The following CCDC126 variants were observed in gnomAD, a reference collection of about 807,000 sequenced individuals.
CCDC126 encodes coiled-coil domain containing 126, also known as coiled-coil domain-containing protein 126.
In CCDC126, 5 loss-of-function variants were observed where a neutral mutation model predicts 11.7. That is an observed-to-expected ratio of 0.43 (90% CI 0.22 to 0.90). The LOEUF is 0.90. Ranked by LOEUF, CCDC126 falls within the 40% of genes least tolerant of loss-of-function variation. The pLI is 0.27. For synonymous variants in CCDC126, 60 were observed against 61.9 expected (o/e 0.97, Z 0.14); for missense variants, 150 against 163.1 (o/e 0.92, Z 0.44).
chr7:23,616,096 T>C (rs1432561927), intron 3 of CCDC126, among the ~76,000 whole-genome samples: 1 of 152,254 alleles, frequency 6.6e-6, no homozygotes, highest in East Asian at 1.9e-4. Context: ...TACTTTCCTA[T>C]AAACTTTTTC....
chr7:23,605,237 A>G (rs1455638328), intron 2 of CCDC126, among the ~76,000 whole-genome samples: 1 of 152,140 alleles, frequency 6.6e-6, no homozygotes, highest in Non-Finnish European at 1.5e-5. Context: ...GGTGAGCAAG[A>G]GGGAAGTGGT....
intron 3 of CCDC126, among the ~76,000 whole-genome samples, chr7:23,627,661 C>T (rs1027931464): frequency 3.3e-5 from 5 of 151,946 alleles, no homozygotes; most frequent in Admixed American, 6.5e-5. Context: ...TACAGTGGCA[C>T]GATCATGGCT....
chr7:23,644,365 A>G lies in CCDC126; in HGVS notation c.*1250A>G, dbSNP rs1783422520. 2 of 152,490 alleles carry G rather than the reference A, an allele frequency of 1.3e-5. No individual in the cohort carries two copies. Among genetic ancestry groups the G allele is most frequent in the African/African-American group, 2.4e-5 (1 of 41,434 alleles). 9.4% of individuals were successfully genotyped at this position (152,490 alleles called of 1,614,324 possible). ...ATTGCCACATGGTGCCCTATATTTC[A>G]TAGTATTTATTCTCTATAGTAACTG... is the stretch of plus-strand genomic sequence containing the variant. On this transcript the variant is annotated 3_prime_UTR_variant, in exon 4 of 4. Transcript: ENST00000307471.
chr7:23,632,990 C>T (rs1191889562), intron 3 of CCDC126, among the ~76,000 whole-genome samples: 5 of 152,132 alleles, frequency 3.3e-5, no homozygotes, highest in African/African-American at 1.2e-4. Context: ...ATCTAAACTG[C>T]CTTGCAGTCC....
chr7:23,605,990 T>TTG (rs550719957), intron 2 of CCDC126, among the ~76,000 whole-genome samples: 84 of 150,692 alleles, frequency 5.6e-4, no homozygotes, highest in Admixed American at 1.7e-3. Flanking sequence ...CTGTTTTTTT[T>TTG]TGTGTGTGTG....
At chr7:23,638,728 A>AAAAAAAAAAAAAAAAAAAAAAAAAAAAAT (rs1783292725) in intron 3 of CCDC126, among the ~76,000 whole-genome samples, 1 of 32,554 alleles carries the variant, frequency 3.1e-5, no homozygotes, top group Non-Finnish European at 5.1e-5. Context: ...AAAAAAAATT[A>AAAAAAAAAAAAAAAAAAAAAAAAAAAAAT]AAAAAAAAAA....
Position 23,606,432 on chromosome 7 carries a change from G to A in CCDC126, c.-145-4739G>A, listed in dbSNP as rs111521559. ...TTTTTTTTATTGGCAAAATGTCTTC[G>A]AATTATGAGTTTTGTTTTTGGAAGA... is the stretch of plus-strand genomic sequence containing the variant. On this transcript the variant is annotated intron_variant, in intron 2 of 3. Transcript: ENST00000307471. Among the ~76,000 whole-genome samples the A allele has an allele frequency of 6.8e-4, 104 of 152,104 alleles. 2 individuals carry two copies. The highest frequency in any genetic ancestry group is 3.4e-3 in the Middle Eastern group (1 of 294).
rs1447051636 is a variant in CCDC126 at position 23,622,724 on chromosome 7, A to G, written c.238+11171A>G. 3 of 525,112 alleles carry G rather than the reference A, an allele frequency of 5.7e-6. No homozygotes were observed. In the African/African-American group the frequency reaches 5.8e-5, roughly 10 times the overall value. 32.5% of individuals were successfully genotyped at this position (525,112 alleles called of 1,614,324 possible). On this transcript the variant is annotated intron_variant, in intron 3 of 3. Transcript: ENST00000307471. The stretch of plus-strand genomic sequence containing the variant: ...TCAGCATAAATGTTACATTGTGGCC[A>G]CAGTTGACCCTTAAGATTCCTGGAG...
chr7:23,624,039 G>A (rs771085358), intron 3 of CCDC126, among the ~76,000 whole-genome samples: 1 of 152,142 alleles, frequency 6.6e-6, no homozygotes, highest in Non-Finnish European at 1.5e-5. Flanking sequence ...GTAGGATTCT[G>A]TGGAGAAAAC....
chr7:23,637,393 T>C (rs867680265), intron 3 of CCDC126, among the ~76,000 whole-genome samples: 219 of 9,326 alleles, frequency 0.023, no homozygotes, highest in Admixed American at 0.043. Context: ...AGTGAGGAGC[T>C]CCTCTGCCCG....
intron 2 of CCDC126, among the ~76,000 whole-genome samples, chr7:23,600,466 G>A (rs958479124): frequency 3.4e-5 from 5 of 146,008 alleles, no homozygotes; most frequent in African/African-American, 7.7e-5. Context: ...ATTACATTCC[G>A]GGGTCAAGTC....
At chr7:23,640,919 C>G (rs1367527727) in intron 3 of CCDC126, among the ~76,000 whole-genome samples, 5 of 150,822 alleles carry the variant, frequency 3.3e-5, no homozygotes, top group Non-Finnish European at 7.4e-5. Flanking sequence ...TTGTTTCTAC[C>G]TTTTGACTGT....
intron 2 of CCDC126, among the ~76,000 whole-genome samples, chr7:23,602,521 C>G (rs987771760): frequency 1.3e-5 from 2 of 152,114 alleles, no homozygotes; most frequent in African/African-American, 4.8e-5. Flanking sequence ...TGTGGGTTTC[C>G]TTCTGTTCAG....
chr7:23,610,599 CT>C (rs1562491028), intron 2 of CCDC126, among the ~76,000 whole-genome samples: 1 of 152,122 alleles, frequency 6.6e-6, no homozygotes, highest in East Asian at 1.9e-4. Context: ...GAAATTATAA[CT>C]TATTTTTTAT....
chr7:23,599,258 A>G (rs991558066), intron 2 of CCDC126, among the ~76,000 whole-genome samples: 3 of 151,994 alleles, frequency 2.0e-5, no homozygotes, highest in African/African-American at 4.8e-5. Flanking sequence ...TAGCTTGTCA[A>G]TCCCCTCATC....
intron 2 of CCDC126, among the ~76,000 whole-genome samples, chr7:23,610,518 G>A (rs1360218700): frequency 6.6e-6 from 1 of 152,156 alleles, no homozygotes; most frequent in African/African-American, 2.4e-5. Flanking sequence ...CTGGTCTCAA[G>A]TGTTTTAGTA....
intron 2 of CCDC126, chr7:23,604,349 CAGAG>C (rs1446873927): frequency 6.6e-6 from 1 of 152,112 alleles, no homozygotes; most frequent in Non-Finnish European, 1.5e-5. Context: ...TTGTATGAAG[CAGAG>C]AGAAGACTGG....
At chr7:23,618,348 C>A (rs1782829427) in intron 3 of CCDC126, among the ~76,000 whole-genome samples, 1 of 152,096 alleles carries the variant, frequency 6.6e-6, no homozygotes, top group Non-Finnish European at 1.5e-5. Context: ...ATGGCCAGCT[C>A]CCCAACCCCC....
intron 3 of CCDC126, among the ~76,000 whole-genome samples, chr7:23,620,881 G>A (rs1272279649): frequency 6.6e-6 from 1 of 152,116 alleles, no homozygotes; most frequent in Non-Finnish European, 1.5e-5. Context: ...CAAAGATCAG[G>A]TAGTTGTAGA....
Sources: gnomAD v4.1 joint callset for allele counts (sites outside exome capture counted in the v4.1 genomes callset) on GRCh38, gnomAD v4.1.1 for gene constraint, MANE v1.5 for transcripts, NCBI Gene and HGNC (gene_info 2026-07-23, HGNC 2026-07-21) for gene names.